Variants in PCDH10 observed in about 807,000 individuals in gnomAD.
PCDH10 encodes protocadherin 10, also known as protocadherin-10.
Under a neutral mutation model 74.4 loss-of-function variants are expected in PCDH10, and 15 were observed. The observed-to-expected ratio is 0.20, with a 90% CI of 0.13 to 0.31. The LOEUF (loss-of-function observed/expected upper bound fraction) is 0.31. PCDH10 is among the 10% of genes least tolerant of loss of function. The probability of loss-of-function intolerance (pLI) is 1.00; values close to 1 mark genes in which losing one functional copy is unlikely to be tolerated. For missense variants in PCDH10, 1,260 were observed against 1,390.2 expected (o/e 0.91, Z 1.49); for synonymous variants, 619 against 589.8 (o/e 1.05, Z -0.72).
At position 133,177,052 on chromosome 4, in the gene PCDH10, A is replaced by G. The variant is rs917855966; in HGVS notation, c.3104-13089A>G. Among the ~76,000 whole-genome samples, 4 of 151,860 alleles carry G rather than the reference A, an allele frequency of 2.6e-5. No homozygotes were observed. In the East Asian group the frequency reaches 5.8e-4, roughly 22 times the overall value. On this transcript the variant is annotated intron_variant, in intron 4 of 4. Transcript: ENST00000264360. ...TATGTTTAGAGAATTGTATTGGCAT[A>G]TTAGTGCAAATTCTAGCCTTATACA...
intron 4 of PCDH10, among the ~76,000 whole-genome samples, chr4:133,166,670 G>A (rs1487442132): frequency 6.6e-6 from 1 of 151,300 alleles, no homozygotes; most frequent in Non-Finnish European, 1.5e-5. Context: ...TTTATACTTT[G>A]AACACCATCT....
chr4:133,188,215 C>A (rs1727581507), intron 4 of PCDH10, among the ~76,000 whole-genome samples: 1 of 152,074 alleles, frequency 6.6e-6, no homozygotes. Flanking sequence ...AATAGTGTTT[C>A]TTTTCACTCA....
intron 4 of PCDH10, among the ~76,000 whole-genome samples, chr4:133,170,661 C>A (rs1440660832): frequency 6.6e-6 from 1 of 151,974 alleles, no homozygotes; most frequent in Non-Finnish European, 1.5e-5. Flanking sequence ...GAAACAGATA[C>A]ATGATTCAAT....
At chr4:133,186,452 A>G (rs1197851027) in intron 4 of PCDH10, among the ~76,000 whole-genome samples, 1 of 152,208 alleles carries the variant, frequency 6.6e-6, no homozygotes, top group African/African-American at 2.4e-5. Context: ...AAATGAAAAG[A>G]AAAAGAAATC....
At chr4:133,182,272 T>C (rs1727432855) in intron 4 of PCDH10, among the ~76,000 whole-genome samples, 1 of 152,090 alleles carries the variant, frequency 6.6e-6, no homozygotes, top group Admixed American at 6.6e-5. Context: ...GGAAAGGTGC[T>C]AATATAGTCT....
At chr4:133,172,539 A>G (rs537879477) in intron 4 of PCDH10, among the ~76,000 whole-genome samples, 112 of 152,138 alleles carry the variant, frequency 7.4e-4, no homozygotes, top group African/African-American at 1.5e-3. Context: ...ACATTACCAC[A>G]TATTTGTCCA....
rs189238494 is a variant in PCDH10 at position 133,192,833 on chromosome 4, T to A, written c.*2673T>A. 2.1e-3 allele frequency: 312 copies of A among 151,710 alleles called. 1 individual carries two copies. The highest frequency in any genetic ancestry group is 7.0e-3 in the African/African-American group (291 of 41,530). 9.4% of individuals were successfully genotyped at this position (151,710 alleles called of 1,614,324 possible). ...TCTTCCAATGAGGGGGACTATAAAA[T>A]GGAAAGTGCAACCAACAAATAATGA... is the stretch of plus-strand genomic sequence containing the variant. On this transcript the variant is annotated 3_prime_UTR_variant, in exon 5 of 5. Transcript: ENST00000264360.
At chr4:133,207,617 T>C (rs537645513) in intron 2 of PCDH10, among the ~76,000 whole-genome samples, 9 of 152,148 alleles carry the variant, frequency 5.9e-5, no homozygotes, top group Non-Finnish European at 1.2e-4. Context: ...AGATAAAAAT[T>C]GTTACTCAAA....
chr4:133,169,432 A>G (rs1578567103), intron 4 of PCDH10, among the ~76,000 whole-genome samples: 1 of 151,880 alleles, frequency 6.6e-6, no homozygotes, highest in Admixed American at 6.6e-5. Context: ...ATGACTCTTC[A>G]ACTGTTTTTC....
intron 4 of PCDH10, among the ~76,000 whole-genome samples, chr4:133,170,494 C>T (rs1014354275): frequency 5.9e-5 from 9 of 152,030 alleles, no homozygotes; most frequent in African/African-American, 2.2e-4. Context: ...ACATTTACAT[C>T]CCATATAGAA....
intron 4 of PCDH10, among the ~76,000 whole-genome samples, chr4:133,168,422 C>T (rs533324711): frequency 6.6e-6 from 1 of 151,472 alleles, no homozygotes; most frequent in South Asian, 2.1e-4. Flanking sequence ...AGTTAAAGAA[C>T]AATTTCATAG....
chr4:133,158,524 T>C lies in PCDH10; in HGVS notation c.2797+3501T>C, dbSNP rs540377192. ...AGGAGAACTTATCTTCCAAATATGT[T>C]TAGTTTCTAACTAATTATAGATATA... On this transcript the variant is annotated intron_variant, in intron 3 of 4. Transcript: ENST00000264360. Among the ~76,000 whole-genome samples, 9 of 152,274 alleles carry C rather than the reference T, an allele frequency of 5.9e-5. No individual in the cohort carries two copies. In the East Asian group the frequency reaches 1.7e-3, roughly 29 times the overall value.
At chr4:133,204,975 G>A (rs1427022360) in intron 2 of PCDH10, among the ~76,000 whole-genome samples, 1 of 152,158 alleles carries the variant, frequency 6.6e-6, no homozygotes, top group Non-Finnish European at 1.5e-5. Context: ...TTCAAGAAGT[G>A]CACCCTGGTT....
chr4:133,164,418 T>G (rs986740089), intron 4 of PCDH10, among the ~76,000 whole-genome samples: 21 of 152,034 alleles, frequency 1.4e-4, no homozygotes, highest in African/African-American at 5.1e-4. Flanking sequence ...TTCCAAATTT[T>G]AAACAGCATA....
intron 3 of PCDH10, among the ~76,000 whole-genome samples, chr4:133,160,905 C>T (rs1435712139): frequency 6.6e-6 from 1 of 151,706 alleles, no homozygotes; most frequent in Non-Finnish European, 1.5e-5. Context: ...AATCTATGTT[C>T]CCCCATCATT....
chr4:133,156,824 A>T (rs1726876142), intron 3 of PCDH10, among the ~76,000 whole-genome samples: 1 of 152,206 alleles, frequency 6.6e-6, no homozygotes, highest in Admixed American at 6.5e-5. Flanking sequence ...AAATGAATAA[A>T]CATCTGCAAA....
chr4:133,177,263 T>A lies in PCDH10; in HGVS notation c.3104-12878T>A, dbSNP rs191672818. ...ATAAAAGCCTAGAGATACTTTTGCC[T>A]CCTTTGTTCTTCACTAAAATCTTAT... is the stretch of plus-strand genomic sequence containing the variant. On this transcript the variant is annotated intron_variant, in intron 4 of 4. Transcript: ENST00000264360. 6.1e-3 allele frequency among the ~76,000 whole-genome samples: 926 copies of A among 152,266 alleles called. 4 individuals are homozygous for A. The highest frequency in any genetic ancestry group is 9.7e-3 in the Non-Finnish European group (662 of 68,000).
At chr4:133,165,825 CTT>C (rs1455538846) in intron 4 of PCDH10, among the ~76,000 whole-genome samples, 2 of 151,578 alleles carry the variant, frequency 1.3e-5, no homozygotes, top group African/African-American at 4.8e-5. Context: ...GTACAAATAA[CTT>C]TTGATTTCTA....
At chr4:133,158,402 A>C (rs541991575) in intron 3 of PCDH10, among the ~76,000 whole-genome samples, 2 of 152,244 alleles carry the variant, frequency 1.3e-5, no homozygotes, top group South Asian at 4.1e-4. Flanking sequence ...TTAAAAAAAT[A>C]TGTTGAAGAG....
Sources: allele counts gnomAD v4.1 joint callset (sites outside exome capture counted in the v4.1 genomes callset), GRCh38; gene constraint gnomAD v4.1.1; transcripts MANE v1.5; gene names NCBI Gene and HGNC (gene_info 2026-07-23, HGNC 2026-07-21).